The following ARHGEF10L variants were observed in gnomAD, a reference collection of about 807,000 sequenced individuals.
ARHGEF10L encodes Rho guanine nucleotide exchange factor 10 like, also known as rho guanine nucleotide exchange factor 10-like protein.
Under a neutral mutation model 141.2 loss-of-function variants are expected in ARHGEF10L, and 69 were observed. The ratio of observed to expected loss-of-function variants is 0.49; its 90% CI spans 0.40 to 0.60. The LOEUF is 0.60. Ranked by LOEUF, ARHGEF10L falls within the 20% of genes least tolerant of loss-of-function variation. The pLI, the probability that ARHGEF10L is intolerant of heterozygous loss-of-function variation, is 0.00. For synonymous variants in ARHGEF10L, 711 were observed against 718.5 expected, an observed-to-expected ratio of 0.99 and a Z score of 0.17; for missense variants, 1,482 against 1,734.3, an observed-to-expected ratio of 0.85 and a Z score of 2.58.
intron 1 of ARHGEF10L, among the ~76,000 whole-genome samples, chr1:17,552,313 A>C (rs2077142899): frequency 6.6e-6 from 1 of 152,110 alleles, no homozygotes; most frequent in Non-Finnish European, 1.5e-5. Flanking sequence ...GATAATATGA[A>C]ATGTGACCAA....
chr1:17,604,376 G>A (rs1187985827), intron 6 of ARHGEF10L: 1 of 152,146 alleles, frequency 6.6e-6, no homozygotes, highest in African/African-American at 2.4e-5. Flanking sequence ...GCTTATTTAT[G>A]GCTCCCATGA....
intron 25 of ARHGEF10L, among the ~76,000 whole-genome samples, chr1:17,663,306 C>T (rs1292175539): frequency 2.6e-5 from 4 of 152,132 alleles, no homozygotes; most frequent in Non-Finnish European, 5.9e-5. Flanking sequence ...AATCCCAGAA[C>T]TTTGGGAGGC....
chr1:17,616,454 G>C (rs780733305), intron 9 of ARHGEF10L, among the ~76,000 whole-genome samples: 7 of 152,180 alleles, frequency 4.6e-5, no homozygotes, highest in Non-Finnish European at 8.8e-5. Flanking sequence ...CCCTGCTCCT[G>C]CTTTTGTCAC....
chr1:17,677,034 C>T (rs2063767177), intron 26 of ARHGEF10L, among the ~76,000 whole-genome samples: 2 of 152,024 alleles, frequency 1.3e-5, no homozygotes, highest in Non-Finnish European at 2.9e-5. Context: ...GCTGTGTCCT[C>T]AGGGCCCGGC....
At chr1:17,669,070 C>A (rs565259615) in intron 26 of ARHGEF10L, among the ~76,000 whole-genome samples, 3 of 152,316 alleles carry the variant, frequency 2.0e-5, no homozygotes, top group South Asian at 4.1e-4. Context: ...CTGTGCCTCG[C>A]GTGTGATGTC....
intron 26 of ARHGEF10L, among the ~76,000 whole-genome samples, chr1:17,680,226 G>A (rs757054213): frequency 1.3e-5 from 2 of 152,210 alleles, no homozygotes; most frequent in Non-Finnish European, 2.9e-5. Flanking sequence ...GTGGGTACCT[G>A]TAAAGTAGAA....
intron 23 of ARHGEF10L, among the ~76,000 whole-genome samples, chr1:17,655,480 T>TATCC (rs143662315): frequency 9.0e-6 from 1 of 110,858 alleles, no homozygotes; most frequent in African/African-American, 2.9e-5. Flanking sequence ...TCCATCCATC[T>TATCC]ATCCATCCAT....
In ARHGEF10L at chr1:17,621,893, C is replaced by T. The variant is rs779355456; in HGVS notation, c.972C>T (p.Ile324=). 50 of 1,614,046 alleles carry T rather than the reference C, an allele frequency of 3.1e-5. No individual in the cohort carries two copies. The highest frequency in any genetic ancestry group is 6.6e-5 in the South Asian group (6 of 91,088). Residue 324 remains isoleucine (I), a synonymous_variant, in exon 11 of 29, where the codon ATC becomes ATT. Transcript: ENST00000361221. The surrounding 1 kb of genome is among the most constrained non-coding windows in gnomAD (Gnocchi z 4.1). ...TCCGGAGGCATATCCTGGGCTCCAT[C>T]GTGCAGAGCGAAGGCAGCTACGTGG... is the stretch of plus-strand genomic sequence containing the variant. ...QVVRRHILGS[I]VQSEGSYVES...
chr1:17,677,370 C>T (rs2063788352), intron 26 of ARHGEF10L, among the ~76,000 whole-genome samples: 1 of 152,264 alleles, frequency 6.6e-6, no homozygotes, highest in African/African-American at 2.4e-5. Context: ...AGCACTCACT[C>T]GTCTCTTCCT....
chr1:17,660,190 G>C (rs1163088534), intron 25 of ARHGEF10L, among the ~76,000 whole-genome samples: 3 of 152,202 alleles, frequency 2.0e-5, no homozygotes, highest in Admixed American at 2.0e-4. Context: ...GAAGGCACAA[G>C]GGCATTGCCA....
chr1:17,632,747 T>TG (rs1312743140), intron 16 of ARHGEF10L, among the ~76,000 whole-genome samples: 1 of 152,216 alleles, frequency 6.6e-6, no homozygotes, highest in African/African-American at 2.4e-5. Context: ...GACTAAACAG[T>TG]GGTTTTGTCC....
At position 17,634,762 on chromosome 1, in the gene ARHGEF10L, G is replaced by A. The variant is rs868001761; in HGVS notation, c.1746-73G>A. 316 of 1,499,756 alleles carry A rather than the reference G, an allele frequency of 2.1e-4. No individual in the cohort carries two copies. In the Middle Eastern group the frequency reaches 2.5e-3, roughly 12 times the overall value. The allele number at this position is 1,499,756 out of a possible 1,614,324, so 92.9% of individuals were successfully genotyped here. A position where few individuals can be genotyped will look rare whatever the true frequency, so the allele number is the denominator to read the frequency against. On this transcript the variant is annotated intron_variant, in intron 17 of 28. Transcript: ENST00000361221. ...AGCCTGGCTGAGCTGGTGTGGAGGA[G>A]CAATGCCCTGGGCCAGCCCTGGGGC... is the stretch of plus-strand genomic sequence containing the variant.
Position 17,654,858 on chromosome 1 carries a change from GCACCT to G in ARHGEF10L, c.2481+138_2481+142del. On this transcript the variant is annotated intron_variant, in intron 23 of 28. Transcript: ENST00000361221. The surrounding 1 kb of genome is among the most constrained non-coding windows in gnomAD (Gnocchi z 4.3). ...GCTTCATCCACCAAGGTCTTCCTGGGCACCTCTGGTGCCAGGCACTGCATTTGGAG... is the reference window on the plus strand; with the variant it reads ...GCTTCATCCACCAAGGTCTTCCTGGGCTGGTGCCAGGCACTGCATTTGGAG... 1.2e-6 allele frequency: 1 copy of G among 837,120 alleles called. No homozygotes were observed. Among genetic ancestry groups the G allele is most frequent in the Non-Finnish European group, 2.0e-6 (1 of 505,912 alleles). 51.9% of individuals were successfully genotyped at this position (837,120 alleles called of 1,614,324 possible).
chr1:17,624,515 T>C lies in ARHGEF10L; in HGVS notation c.1317+12T>C, dbSNP rs1241993882. 4 of 1,608,010 alleles carry C rather than the reference T, an allele frequency of 2.5e-6. No homozygotes were observed. In the Admixed American group the frequency reaches 6.7e-5, roughly 27 times the overall value. Reference sequence around the variant, plus strand: ...TCGAGTTCCTCAAGGTGGGCCTCCATGGTGGTACCGTGCCTGGTCAGGGTG... The same window carrying C: ...TCGAGTTCCTCAAGGTGGGCCTCCACGGTGGTACCGTGCCTGGTCAGGGTG... On this transcript the variant is annotated intron_variant, in intron 13 of 28. Transcript: ENST00000361221.
intron 1 of ARHGEF10L, among the ~76,000 whole-genome samples, chr1:17,569,897 T>C (rs1357016077): frequency 6.6e-6 from 1 of 152,234 alleles, no homozygotes; most frequent in Non-Finnish European, 1.5e-5. Context: ...AGTCCTCCTC[T>C]GGCCCTGTCC....
chr1:17,627,277 TG>T lies in ARHGEF10L; in HGVS notation c.1411-49del. ...CGCAGGGTGAGGCTTTGCCCCAGGC[TG>T]GGGTAGAGTTGGTCATGGGTGGGCT... On this transcript the variant is annotated intron_variant, in intron 14 of 28. Transcript: ENST00000361221. The surrounding 1 kb of genome is among the most constrained non-coding windows in gnomAD (Gnocchi z 4.0). The T allele has an allele frequency of 1.3e-6, 2 of 1,588,292 alleles. No homozygotes were observed. Among genetic ancestry groups the T allele is most frequent in the Middle Eastern group, 1.7e-4 (1 of 5,930 alleles).
intron 19 of ARHGEF10L, among the ~76,000 whole-genome samples, 164 bp downstream of exon 19, chr1:17,638,167 C>T (rs2061123035): frequency 2.0e-5 from 3 of 152,224 alleles, no homozygotes; most frequent in Admixed American, 2.0e-4. Flanking sequence ...GCTCCATGTC[C>T]CTGCCTGGAA....
rs149623436 is a variant in ARHGEF10L at position 17,558,304 on chromosome 1, C to G, written c.-44+18354C>G. ...ACCCACCCGCCCATTTATTCACCCA[C>G]TCATCCACCCATCATCTCTTGAATC... is the stretch of plus-strand genomic sequence containing the variant. On this transcript the variant is annotated intron_variant, in intron 1 of 28. Coordinates refer to ENST00000361221, the MANE Select transcript of ARHGEF10L (RefSeq NM_018125.4). The surrounding 1 kb of genome is among the most constrained non-coding windows in gnomAD (Gnocchi z 4.2). 3.3e-5 allele frequency among the ~76,000 whole-genome samples: 5 copies of G among 152,214 alleles called. No homozygotes were observed. The highest frequency in any genetic ancestry group is 7.3e-5 in the Non-Finnish European group (5 of 68,040).
chr1:17,591,401 C>A (rs1463763377), intron 4 of ARHGEF10L, among the ~76,000 whole-genome samples: 2 of 137,990 alleles, frequency 1.4e-5, no homozygotes, highest in African/African-American at 5.3e-5. Context: ...TGCCATCATG[C>A]CTGGCTATTT....
Sources: gnomAD v4.1 joint callset for allele counts (sites outside exome capture counted in the v4.1 genomes callset) on GRCh38, gnomAD v4.1.1 for gene constraint, Gnocchi (gnomAD v3.1) non-coding constraint, MANE v1.5 for transcripts, NCBI Gene and HGNC (gene_info 2026-07-23, HGNC 2026-07-21) for gene names.